The following P4HB variants were observed in gnomAD, a reference collection of about 807,000 sequenced individuals.
P4HB encodes protein disulfide-isomerase.
A neutral mutation model predicts 52.6 loss-of-function variants in P4HB; 20 were observed. That is an observed-to-expected ratio of 0.38 (90% CI 0.27 to 0.55). The LOEUF is 0.55. P4HB is among the 20% of genes least tolerant of loss of function. The pLI, the probability that P4HB is intolerant of heterozygous loss-of-function variation, is 0.74. For missense variants in P4HB, 601 were observed against 669.2 expected (o/e 0.90, Z 1.12); for synonymous variants, 296 against 277.9 (o/e 1.07, Z -0.65).
Position 81,859,302 on chromosome 17 carries a change from G to T in P4HB, c.231C>A (p.Ile77=), listed in dbSNP as rs2038961498. The change falls in exon 2 of 11, where the codon ATC becomes ATA. Residue 77 remains isoleucine, a synonymous_variant. Transcript: ENST00000331483. ...AGKLKAEGSE[I]RLAKVDATEE... is the part of the protein sequence containing the mutation. The stretch of plus-strand genomic sequence containing the variant: ...CCGTGGCGTCCACCTTGGCCAACCT[G>T]ATCTCGGAACCTTCTGCCTTCAGCT... 1.9e-6 allele frequency: 3 copies of T among 1,614,014 alleles called. No individual in the cohort carries two copies. In the East Asian group the frequency reaches 6.7e-5, roughly 36 times the overall value.
chr17:81,845,628 T>G lies in P4HB; in HGVS notation c.1292A>C (p.Glu431Ala). 1.9e-6 allele frequency: 3 copies of G among 1,613,498 alleles called. No individual in the cohort carries two copies. The highest frequency in any genetic ancestry group is 2.5e-6 in the Non-Finnish European group (3 of 1,179,542). ...VIAKMDSTAN[E>A]VEAVKVHSFP... ...GCTGTGCACTTTGACGGCCTCCACC[T>G]CGTTGGCAGTCGAGTCCATCTTGGC... is the stretch of plus-strand genomic sequence containing the variant. Residue 431 changes from glutamate (E) to alanine (A), a missense_variant, in exon 9 of 11, where the codon GAG becomes GCG. Coordinates refer to ENST00000331483, the MANE Select transcript of P4HB (RefSeq NM_000918.4).
chr17:81,859,114 C>A, intron 2 of P4HB, 67 bp downstream of exon 2: 1 of 1,464,910 alleles, frequency 6.8e-7, no homozygotes, highest in South Asian at 1.1e-5. Context: ...ACAGCTGCCC[C>A]TGCCCTTCCA....
chr17:81,854,774 G>A (rs1367748833), intron 4 of P4HB, among the ~76,000 whole-genome samples: 5 of 151,506 alleles, frequency 3.3e-5, no homozygotes, highest in African/African-American at 4.9e-5. Flanking sequence ...CCCAGGAGGC[G>A]GAGGGTGCAG....
In P4HB at chr17:81,847,237, C is replaced by T. The variant is rs1408285461; in HGVS notation, c.729+6G>A. 5.0e-6 allele frequency: 8 copies of T among 1,613,464 alleles called. No homozygotes were observed. The highest frequency in any genetic ancestry group is 1.7e-5 in the Admixed American group (1 of 60,024). On this transcript the variant is annotated splice_donor_region_variant and intron_variant, in intron 5 of 10. Coordinates refer to ENST00000331483, the MANE Select transcript of P4HB (RefSeq NM_000918.4). ...CCCCAGCCTGGGGGCTGCAGGGCAG[C>T]CGCACCTGCTCGGTGAACTCGATGA... is the stretch of plus-strand genomic sequence containing the variant.
chr17:81,843,992 C>A lies in P4HB; in HGVS notation c.*20G>T. On this transcript the variant is annotated 3_prime_UTR_variant, in exon 11 of 11. Coordinates refer to ENST00000331483, the MANE Select transcript of P4HB (RefSeq NM_000918.4). ...CAGCCCCCGAGGGGTCTCGGCAGCGCCCGGGTCTGGCTTTGCGTATTACAG... is the reference window on the plus strand; with the variant it reads ...CAGCCCCCGAGGGGTCTCGGCAGCGACCGGGTCTGGCTTTGCGTATTACAG... 1 of 1,595,498 alleles carries A rather than the reference C, an allele frequency of 6.3e-7. No homozygotes were observed. Among genetic ancestry groups the A allele is most frequent in the Non-Finnish European group, 8.6e-7 (1 of 1,163,388 alleles).
At position 81,855,359 on chromosome 17, in the gene P4HB, A is replaced by C. The variant is rs1373026962; in HGVS notation, c.487-80T>G. 6.2e-7 allele frequency: 1 copy of C among 1,601,698 alleles called. No homozygotes were observed. The highest frequency in any genetic ancestry group is 8.5e-7 in the Non-Finnish European group (1 of 1,171,276). On this transcript the variant is annotated intron_variant, in intron 3 of 10. Coordinates refer to ENST00000331483, the MANE Select transcript of P4HB (RefSeq NM_000918.4). The surrounding 1 kb of genome is among the most constrained non-coding windows in gnomAD (Gnocchi z 4.3). The stretch of plus-strand genomic sequence containing the variant: ...GGGCAGACCCTGTAGAGCCCAGGCC[A>C]GGGGGGACACGTGCAGAACTGCCAG...
rs199731902 is a variant in P4HB, at chr17:81,855,564, G to A, written c.375C>T (p.Ile125=). The change falls in exon 3 of 11, where the codon ATC becomes ATT. Residue 125 remains isoleucine (I), a synonymous_variant. Coordinates refer to ENST00000331483, the MANE Select transcript of P4HB (RefSeq NM_000918.4). The surrounding 1 kb of genome is among the most constrained non-coding windows in gnomAD (Gnocchi z 4.3). ...CCGTGCGCTTCTTCAGCCAGTTCAC[G>A]ATGTCATCAGCCTCTCTGCCAGCTA... ...EYTAGREADD[I]VNWLKKRTGP... 35 of 1,613,902 alleles carry A rather than the reference G, an allele frequency of 2.2e-5. No homozygotes were observed. In the African/African-American group the frequency reaches 3.3e-4, roughly 15 times the overall value.
chr17:81,847,655 G>C, intron 4 of P4HB: 1 of 431,496 alleles, frequency 2.3e-6, no homozygotes, highest in Non-Finnish European at 4.3e-6. Context: ...GCCTTTTCAG[G>C]GCACCCATGT....
rs894878434 is a variant in P4HB, at chr17:81,860,442, G to A, written c.30C>T (p.Ala10=). Residue 10 remains alanine, a synonymous_variant, in exon 1 of 11, where the codon GCC becomes GCT. Transcript: ENST00000331483. The part of the protein sequence containing the change: MLRRALLCL[A]VAALVRADAP... ...CGTCGGCGCGCACCAGGGCGGCCAC[G>A]GCCAGGCACAGCAGAGCGCGGCGCA... 3.6e-6 allele frequency: 5 copies of A among 1,399,418 alleles called. No individual in the cohort carries two copies. The highest frequency in any genetic ancestry group is 6.1e-5 in the East Asian group (2 of 32,526). The allele number at this position is 1,399,418 out of a possible 1,614,324, so 86.7% of individuals were successfully genotyped here.
rs901601284 is a variant in P4HB, at chr17:81,843,906, G to A, written c.*106C>T. The A allele has an allele frequency of 3.9e-5, 32 of 824,386 alleles. No homozygotes were observed. The highest frequency in any genetic ancestry group is 3.8e-4 in the South Asian group (28 of 73,730). The allele number at this position is 824,386 out of a possible 1,614,324, so 51.1% of individuals were successfully genotyped here. A position where few individuals can be genotyped will look rare whatever the true frequency, so the allele number is the denominator to read the frequency against. On this transcript the variant is annotated 3_prime_UTR_variant, in exon 11 of 11. Transcript: ENST00000331483. ...CTTCAGAGAGGTTCCCTGGGTTTCC[G>A]GCGACGCCCTCCTTCAAGCGAGGCC...
Position 81,846,860 on chromosome 17 carries a change from C to T in P4HB, c.855+87G>A. On this transcript the variant is annotated intron_variant, in intron 6 of 10. Transcript: ENST00000331483. The surrounding 1 kb of genome is among the most constrained non-coding windows in gnomAD (Gnocchi z 5.7). ...TGCCCGATCCAGTCCAGCAGGCAGC[C>T]TCAGGAAGGCCCCACACTTGTCACC... The T allele has an allele frequency of 3.3e-6, 5 of 1,533,700 alleles. No individual in the cohort carries two copies. The highest frequency in any genetic ancestry group is 2.3e-4 in the Middle Eastern group (1 of 4,268).
chr17:81,846,107 G>A lies in P4HB; in HGVS notation c.1057-116C>T. ...TGGCTGCCCTGGGCACACCAGGGTGGCAGCCGCAGACACCAACAGTGCCAA... is the reference window on the plus strand; with the variant it reads ...TGGCTGCCCTGGGCACACCAGGGTGACAGCCGCAGACACCAACAGTGCCAA... On this transcript the variant is annotated intron_variant, in intron 7 of 10. Coordinates refer to ENST00000331483, the MANE Select transcript of P4HB (RefSeq NM_000918.4). The surrounding 1 kb of genome is among the most constrained non-coding windows in gnomAD (Gnocchi z 5.7). 1 of 1,297,838 alleles carries A rather than the reference G, an allele frequency of 7.7e-7. No homozygotes were observed. The highest frequency in any genetic ancestry group is 1.0e-6 in the Non-Finnish European group (1 of 971,548). The allele number at this position is 1,297,838 out of a possible 1,614,324, so 80.4% of individuals were successfully genotyped here.
At position 81,846,776 on chromosome 17, in the gene P4HB, G is replaced by A. The variant is rs2038742300; in HGVS notation, c.856-147C>T. 8.4e-7 allele frequency: 1 copy of A among 1,184,790 alleles called. No homozygotes were observed. Among genetic ancestry groups the A allele is most frequent in the Non-Finnish European group, 1.2e-6 (1 of 822,904 alleles). The allele number at this position is 1,184,790 out of a possible 1,614,324, so 73.4% of individuals were successfully genotyped here. A position where few individuals can be genotyped will look rare whatever the true frequency, so the allele number is the denominator to read the frequency against. On this transcript the variant is annotated intron_variant, in intron 6 of 10. Coordinates refer to ENST00000331483, the MANE Select transcript of P4HB (RefSeq NM_000918.4). This position sits in a 1 kb window ranked among gnomAD's most constrained non-coding sequence, Gnocchi z 5.7. ...TGCCCAACCAGACCAGCAGGTGACT[G>A]GGAGCAGAGGTCTGGCCTGGCTGGC...
rs535598598 is a variant in P4HB at position 81,855,332 on chromosome 17, T to C, written c.487-53A>G. ...GTCATGATCCCGCAGCACCAAGCAGTAGGGCAGACCCTGTAGAGCCCAGGC... is the reference window on the plus strand; with the variant it reads ...GTCATGATCCCGCAGCACCAAGCAGCAGGGCAGACCCTGTAGAGCCCAGGC... On this transcript the variant is annotated intron_variant, in intron 3 of 10. Coordinates refer to ENST00000331483, the MANE Select transcript of P4HB (RefSeq NM_000918.4). This position sits in a 1 kb window ranked among gnomAD's most constrained non-coding sequence, Gnocchi z 4.3. The C allele has an allele frequency of 2.5e-6, 4 of 1,611,856 alleles. No individual in the cohort carries two copies. The Admixed American group carries it at 6.7e-5, about 27-fold the overall frequency.
At chr17:81,857,423 A>G (rs1220931836) in intron 2 of P4HB, among the ~76,000 whole-genome samples, 1 of 152,230 alleles carries the variant, frequency 6.6e-6, no homozygotes, top group East Asian at 1.9e-4. Flanking sequence ...TGCTGGGATT[A>G]CAGGCATGAG....
At chr17:81,847,163 G>A (rs1456322246) in intron 5 of P4HB, 80 bp downstream of exon 5, 6 of 1,594,242 alleles carry the variant, frequency 3.8e-6, no homozygotes, top group Non-Finnish European at 5.2e-6. Flanking sequence ...ACGCTGGACA[G>A]CAGTGGTGAC....
In P4HB at chr17:81,860,323, T is replaced by C. The variant is rs1394119623; in HGVS notation, c.145+4A>G. The C allele has an allele frequency of 6.9e-7, 1 of 1,458,358 alleles. No homozygotes were observed. The allele number at this position is 1,458,358 out of a possible 1,614,324, so 90.3% of individuals were successfully genotyped here. A position where few individuals can be genotyped will look rare whatever the true frequency, so the allele number is the denominator to read the frequency against. ...CCCGCCCGCCCGCCAGGCCCGGCGC[T>C]CACAGAACTCCACCAGCAGGTACTT... On this transcript the variant is annotated splice_donor_region_variant and intron_variant, in intron 1 of 10. Coordinates refer to ENST00000331483, the MANE Select transcript of P4HB (RefSeq NM_000918.4).
intron 4 of P4HB, among the ~76,000 whole-genome samples, chr17:81,853,564 A>T (rs1459464541): frequency 1.3e-5 from 2 of 150,664 alleles, no homozygotes; most frequent in Non-Finnish European, 3.0e-5. Flanking sequence ...ACAGAGACAG[A>T]CTCTGTCTCA....
rs888053322 is a variant in P4HB at position 81,855,868 on chromosome 17, T to A, written c.353-282A>T. 5 of 379,866 alleles carry A rather than the reference T, an allele frequency of 1.3e-5. No homozygotes were observed. In the East Asian group the frequency reaches 2.2e-4, roughly 17 times the overall value. 23.5% of individuals were successfully genotyped at this position (379,866 alleles called of 1,614,324 possible). A position where few individuals can be genotyped will look rare whatever the true frequency, so the allele number is the denominator to read the frequency against. ...ACCCATTTTTTTTCTCTGATCTCTC[T>A]GCATTTTCTTTTTTCTTTTGACACA... is the stretch of plus-strand genomic sequence containing the variant. On this transcript the variant is annotated intron_variant, in intron 2 of 10. Coordinates refer to ENST00000331483, the MANE Select transcript of P4HB (RefSeq NM_000918.4). The surrounding 1 kb of genome is among the most constrained non-coding windows in gnomAD (Gnocchi z 4.3).
Sources: gnomAD v4.1 joint callset for allele counts (sites outside exome capture counted in the v4.1 genomes callset) on GRCh38, gnomAD v4.1.1 for gene constraint, Gnocchi (gnomAD v3.1) non-coding constraint, MANE v1.5 for transcripts, NCBI Gene and HGNC (gene_info 2026-07-23, HGNC 2026-07-21) for gene names.